PCSK5: variants seen among roughly 807,000 people sequenced by gnomAD.
The protein encoded by PCSK5 is prohormone convertase 5.
A neutral mutation model predicts 233.2 loss-of-function variants in PCSK5; 129 were observed. The observed-to-expected ratio is 0.55, with a 90% CI of 0.48 to 0.64. The LOEUF is 0.64. PCSK5 is among the 30% of genes least tolerant of loss of function. The pLI is 0.00. For missense variants in PCSK5, 2,076 were observed against 2,430.1 expected (o/e 0.85, Z 3.06); for synonymous variants, 825 against 879.2 (o/e 0.94, Z 1.09).
chr9:76,323,932 A>ATTTTTTTTT lies in PCSK5; in HGVS notation c.4339+652_4339+660dup, dbSNP rs60451634. ...TGCCTCTTGTCTCCCTTCCTGGGTG[A>ATTTTTTTTT]TTTTTTTTTTTTTTTTGAGACAGAG... On this transcript the variant is annotated intron_variant, in intron 32 of 37. Coordinates refer to ENST00000674117, the MANE Select transcript of PCSK5 (RefSeq NM_001372043.1). Among the ~76,000 whole-genome samples the ATTTTTTTTT allele has an allele frequency of 8.6e-5, 12 of 139,404 alleles. 3 individuals are homozygous for ATTTTTTTTT. The highest frequency in any genetic ancestry group is 1.1e-4 in the Non-Finnish European group (7 of 65,108). 91.5% of individuals were successfully genotyped at this position (139,404 alleles called of 152,430 possible). A position where few individuals can be genotyped will look rare whatever the true frequency, so the allele number is the denominator to read the frequency against.
chr9:76,134,818 T>C (rs1000232874), intron 10 of PCSK5, among the ~76,000 whole-genome samples: 3 of 152,180 alleles, frequency 2.0e-5, no homozygotes, highest in East Asian at 1.9e-4. Context: ...CTAATACAGA[T>C]CATAGTTCCC....
At chr9:75,998,779 A>G (rs555340040) in intron 3 of PCSK5, among the ~76,000 whole-genome samples, 1 of 152,324 alleles carries the variant, frequency 6.6e-6, no homozygotes, top group African/African-American at 2.4e-5. Context: ...ACTCAAGGCC[A>G]GTATTCTTTC....
chr9:76,216,656 G>T (rs1825544466), intron 20 of PCSK5, among the ~76,000 whole-genome samples: 1 of 152,080 alleles, frequency 6.6e-6, no homozygotes, highest in Non-Finnish European at 1.5e-5. Context: ...TTAGTATTGG[G>T]GGTCAAAGGG....
chr9:76,037,173 C>T (rs1828892315), intron 5 of PCSK5, among the ~76,000 whole-genome samples: 1 of 152,092 alleles, frequency 6.6e-6, no homozygotes, highest in Admixed American at 6.6e-5. Flanking sequence ...AAGGAGTCAG[C>T]CACCATCGCT....
chr9:76,081,484 C>CAAAT (rs927683255), intron 7 of PCSK5, among the ~76,000 whole-genome samples: 38 of 149,680 alleles, frequency 2.5e-4, no homozygotes, highest in African/African-American at 7.4e-4. Context: ...AACAAACAAA[C>CAAAT]AAATAAATAA....
chr9:76,060,974 TAAAC>T (rs1157427269), intron 5 of PCSK5, among the ~76,000 whole-genome samples: 1 of 152,120 alleles, frequency 6.6e-6, no homozygotes, highest in Non-Finnish European at 1.5e-5. Flanking sequence ...ATAACTAATA[TAAAC>T]AGAGTATTTG....
At chr9:76,014,941 A>G (rs1003798890) in intron 3 of PCSK5, among the ~76,000 whole-genome samples, 16 of 152,186 alleles carry the variant, frequency 1.1e-4, no homozygotes, top group Admixed American at 3.3e-4. Context: ...TATTATATAT[A>G]TATCTGGAGA....
chr9:76,178,555 T>A (rs2131209064), intron 14 of PCSK5, among the ~76,000 whole-genome samples: 1 of 152,172 alleles, frequency 6.6e-6, no homozygotes, highest in East Asian at 1.9e-4. Flanking sequence ...AGTTCTAACA[T>A]TTTTTTATGT....
chr9:76,134,453 C>T (rs1822890866), intron 10 of PCSK5, among the ~76,000 whole-genome samples: 1 of 151,756 alleles, frequency 6.6e-6, no homozygotes, highest in African/African-American at 2.4e-5. Flanking sequence ...ATCGACCAAC[C>T]CCCATGTATA....
At chr9:76,220,139 G>A (rs10114435) in intron 20 of PCSK5, among the ~76,000 whole-genome samples, 64,697 of 152,010 alleles carry the variant, frequency 0.43, 14,050 homozygotes, top group South Asian at 0.5. Flanking sequence ...GCAATAAATG[G>A]ATTCCCATCC....
intron 10 of PCSK5, among the ~76,000 whole-genome samples, chr9:76,144,092 G>T (rs1215205542): frequency 1.3e-5 from 2 of 150,844 alleles, no homozygotes; most frequent in African/African-American, 5.0e-5. Context: ...AGCACTTAGG[G>T]TTTATAAATG....
At chr9:76,054,855 G>A (rs1829763765) in intron 5 of PCSK5, among the ~76,000 whole-genome samples, 1 of 152,086 alleles carries the variant, frequency 6.6e-6, no homozygotes, top group Non-Finnish European at 1.5e-5. Flanking sequence ...GTGTATGTGT[G>A]TGTGTCAGAC....
chr9:76,285,323 A>G (rs2131395232), intron 24 of PCSK5, among the ~76,000 whole-genome samples: 1 of 152,322 alleles, frequency 6.6e-6, no homozygotes, highest in African/African-American at 2.4e-5. Context: ...CTAAACTACA[A>G]TCAAATGGGT....
At chr9:76,134,975 A>G (rs1319924401) in intron 10 of PCSK5, among the ~76,000 whole-genome samples, 1 of 152,102 alleles carries the variant, frequency 6.6e-6, no homozygotes, top group Non-Finnish European at 1.5e-5. Context: ...TCATTAATCT[A>G]ACTTGTAACA....
At chr9:76,053,966 G>A (rs1192187681) in intron 5 of PCSK5, among the ~76,000 whole-genome samples, 3 of 152,184 alleles carry the variant, frequency 2.0e-5, no homozygotes, top group Middle Eastern at 3.2e-3. Flanking sequence ...AGAAAAAGAG[G>A]TTTGATAGAC....
intron 3 of PCSK5, among the ~76,000 whole-genome samples, chr9:76,021,185 A>G (rs188308090): frequency 6.6e-6 from 1 of 152,280 alleles, no homozygotes; most frequent in East Asian, 1.9e-4. Flanking sequence ...TTGAAATCCT[A>G]GGGCAGACTT....
At chr9:76,282,174 G>A (rs1827896646) in intron 24 of PCSK5, among the ~76,000 whole-genome samples, 1 of 116,470 alleles carries the variant, frequency 8.6e-6, no homozygotes, top group Non-Finnish European at 1.6e-5. Flanking sequence ...CTGGAGCACA[G>A]TGGTGTGATC....
At chr9:76,096,336 AT>A (rs1450090704) in intron 8 of PCSK5, among the ~76,000 whole-genome samples, 2 of 152,192 alleles carry the variant, frequency 1.3e-5, no homozygotes, top group Non-Finnish European at 2.9e-5. Context: ...CTTAGATGTT[AT>A]TAAGCTTCAA....
intron 20 of PCSK5, among the ~76,000 whole-genome samples, chr9:76,190,505 G>C (rs1411951): frequency 0.95 from 144,876 of 152,240 alleles, 68,963 homozygotes; most frequent in East Asian, 1. Flanking sequence ...TTGCACTAAG[G>C]ATTAGGCATA....
Sources: gnomAD v4.1 joint callset for allele counts (sites outside exome capture counted in the v4.1 genomes callset) on GRCh38, gnomAD v4.1.1 for gene constraint, MANE v1.5 for transcripts, NCBI Gene and HGNC (gene_info 2026-07-23, HGNC 2026-07-21) for gene names.